The following ASIC2 variants were observed in gnomAD, a reference collection of about 807,000 sequenced individuals.
ASIC2 encodes acid-sensing ion channel 2.
Under a neutral mutation model 57.3 loss-of-function variants are expected in ASIC2, and 25 were observed. That is an observed-to-expected ratio of 0.44 (90% confidence interval 0.32 to 0.61). ASIC2 has a LOEUF of 0.61. ASIC2 is among the 20% of genes least tolerant of loss of function. The probability of loss-of-function intolerance (pLI) is 0.06; values close to 1 mark genes in which losing one functional copy is unlikely to be tolerated. For synonymous variants in ASIC2, 319 were observed against 307.5 expected, an observed-to-expected ratio of 1.04 and a Z score of -0.39; for missense variants, 641 against 738.1, an observed-to-expected ratio of 0.87 and a Z score of 1.52.
At chr17:33,238,275 G>A (rs149075590) in intron 1 of ASIC2, among the ~76,000 whole-genome samples, 400 of 152,312 alleles carry the variant, frequency 2.6e-3, no homozygotes, top group Non-Finnish European at 3.2e-3. Flanking sequence ...TTTGGACTAC[G>A]AGGCTGCTCC....
At chr17:34,063,924 C>A (rs1192834067) in intron 1 of ASIC2, among the ~76,000 whole-genome samples, 4 of 152,100 alleles carry the variant, frequency 2.6e-5, no homozygotes, top group African/African-American at 9.7e-5. Flanking sequence ...TGGGTAGAAT[C>A]AATATTGTGA....
At chr17:33,539,161 C>T (rs1915327641) in intron 1 of ASIC2, among the ~76,000 whole-genome samples, 2 of 152,168 alleles carry the variant, frequency 1.3e-5, no homozygotes, top group Admixed American at 1.3e-4. Flanking sequence ...GCCTGCAGTG[C>T]CCCCAAAGAG....
chr17:33,364,030 G>T (rs1404003234), intron 1 of ASIC2, among the ~76,000 whole-genome samples: 2 of 152,156 alleles, frequency 1.3e-5, no homozygotes, highest in African/African-American at 2.4e-5. Context: ...GATCTTTCTG[G>T]CCCAATGCTC....
chr17:33,101,140 A>G (rs1439034022), intron 2 of ASIC2, among the ~76,000 whole-genome samples: 4 of 152,076 alleles, frequency 2.6e-5, no homozygotes, highest in Admixed American at 1.3e-4. Flanking sequence ...TGCTCCTCTC[A>G]TTCTGGGGAG....
chr17:33,777,911 T>C (rs2142125798), intron 1 of ASIC2, among the ~76,000 whole-genome samples: 1 of 152,320 alleles, frequency 6.6e-6, no homozygotes, highest in Non-Finnish European at 1.5e-5. Context: ...TGACTTCCCA[T>C]TGCCCTGCAC....
intron 1 of ASIC2, among the ~76,000 whole-genome samples, chr17:33,639,056 T>TA (rs564227964): frequency 7.4e-4 from 113 of 151,832 alleles, no homozygotes; most frequent in African/African-American, 2.7e-3. Context: ...CACCGGTGTC[T>TA]AATGAGTGAT....
At chr17:33,760,064 G>A (rs1425163680) in intron 1 of ASIC2, among the ~76,000 whole-genome samples, 2 of 152,112 alleles carry the variant, frequency 1.3e-5, no homozygotes, top group Admixed American at 6.5e-5. Flanking sequence ...ATTGTGTTAT[G>A]AGCAACAAAA....
chr17:33,698,886 A>G (rs982995839), intron 1 of ASIC2, among the ~76,000 whole-genome samples: 2 of 152,086 alleles, frequency 1.3e-5, no homozygotes, highest in East Asian at 3.9e-4. Flanking sequence ...CAGAGCCCCC[A>G]AGCAGGTGGT....
intron 1 of ASIC2, among the ~76,000 whole-genome samples, chr17:33,542,013 C>T (rs1211551052): frequency 6.6e-6 from 1 of 152,166 alleles, no homozygotes; most frequent in Non-Finnish European, 1.5e-5. Flanking sequence ...AAGGTTCTAA[C>T]AAAGACAACA....
At chr17:33,102,682 C>G (rs926918457) in intron 2 of ASIC2, among the ~76,000 whole-genome samples, 6 of 152,166 alleles carry the variant, frequency 3.9e-5, no homozygotes, top group Non-Finnish European at 8.8e-5. Flanking sequence ...ACCTGTTTGT[C>G]TTTTTGTTTA....
In ASIC2 at chr17:33,557,392, T is replaced by G. The variant is rs552466907; in HGVS notation, c.556-445325A>C. Reference sequence around the variant, plus strand: ...CAACATCAACTAAATACCTACTATGTGCTAAGTGCAATGTTAACAGTCAAG... The same window carrying G: ...CAACATCAACTAAATACCTACTATGGGCTAAGTGCAATGTTAACAGTCAAG... On this transcript the variant is annotated intron_variant, in intron 1 of 9. Coordinates refer to the ASIC2 transcript ENST00000359872. Among the ~76,000 whole-genome samples, 23 of 152,320 alleles carry G rather than the reference T, an allele frequency of 1.5e-4. No homozygotes were observed. The South Asian group carries it at 4.4e-3, about 29-fold the overall frequency.
At chr17:33,788,012 A>G (rs1911657857) in intron 1 of ASIC2, among the ~76,000 whole-genome samples, 1 of 152,234 alleles carries the variant, frequency 6.6e-6, no homozygotes, top group Admixed American at 6.5e-5. Flanking sequence ...CAAAGACTTC[A>G]TGACAAAAAC....
At chr17:33,797,964 G>A (rs1911969694) in intron 1 of ASIC2, among the ~76,000 whole-genome samples, 1 of 152,156 alleles carries the variant, frequency 6.6e-6, no homozygotes, top group African/African-American at 2.4e-5. Flanking sequence ...TGGCGAGAGA[G>A]GGATCATCGC....
At chr17:34,099,105 AG>A (rs1431137316) in intron 1 of ASIC2, among the ~76,000 whole-genome samples, 457 of 17,530 alleles carry the variant, frequency 0.026, 23 homozygotes, top group African/African-American at 0.075. Flanking sequence ...GAGAGAAAAG[AG>A]AGAGAGAGAG....
intron 1 of ASIC2, among the ~76,000 whole-genome samples, chr17:33,179,926 G>T (rs1905910184): frequency 6.6e-6 from 1 of 152,216 alleles, no homozygotes; most frequent in Non-Finnish European, 1.5e-5. Flanking sequence ...TGGAATGAAA[G>T]TAGAAATAGA....
intron 1 of ASIC2, among the ~76,000 whole-genome samples, chr17:33,580,658 A>G (rs1904404168): frequency 6.6e-6 from 1 of 151,880 alleles, no homozygotes; most frequent in Non-Finnish European, 1.5e-5. Context: ...CCAGCTCAGC[A>G]CCTCCTCCTC....
chr17:33,777,214 G>T (rs1267804356), intron 1 of ASIC2, among the ~76,000 whole-genome samples: 1 of 152,210 alleles, frequency 6.6e-6, no homozygotes, highest in East Asian at 1.9e-4. Flanking sequence ...AGAATGAATG[G>T]CACTTCTGCC....
At chr17:33,536,084 A>C (rs1915218722) in intron 1 of ASIC2, among the ~76,000 whole-genome samples, 1 of 152,214 alleles carries the variant, frequency 6.6e-6, no homozygotes. Context: ...CTTATTCCCT[A>C]GCCCAAGAGC....
intron 1 of ASIC2, among the ~76,000 whole-genome samples, chr17:33,223,195 T>C (rs1907748680): frequency 6.6e-6 from 1 of 152,190 alleles, no homozygotes; most frequent in South Asian, 2.1e-4. Context: ...TTTTCTTTTT[T>C]CTTTTTTAGA....
Sources: allele counts gnomAD v4.1 joint callset (sites outside exome capture counted in the v4.1 genomes callset), GRCh38; gene constraint gnomAD v4.1.1; transcripts MANE v1.5; gene names NCBI Gene and HGNC (gene_info 2026-07-23, HGNC 2026-07-21).